The following UNC13B variants were observed in gnomAD, a reference collection of about 807,000 sequenced individuals.
UNC13B encodes the protein protein unc-13 homolog B.
Under a neutral mutation model 211.0 loss-of-function variants are expected in UNC13B, and 144 were observed. The observed-to-expected ratio is 0.68, with a 90% CI of 0.60 to 0.78. The LOEUF (loss-of-function observed/expected upper bound fraction) is 0.78, where lower values mean the gene tolerates loss of function less well. Among genes scored for constraint, UNC13B ranks in the 30% least tolerant of loss-of-function variants. UNC13B has a pLI of 0.00. For synonymous variants in UNC13B, 709 were observed against 725.8 expected (o/e 0.98, Z 0.37); for missense variants, 1,777 against 2,002.0 (o/e 0.89, Z 2.14).
At chr9:35,234,547 C>T (rs1825387140) in intron 3 of UNC13B, among the ~76,000 whole-genome samples, 2 of 152,266 alleles carry the variant, frequency 1.3e-5, no homozygotes, top group Admixed American at 6.5e-5. Flanking sequence ...AGCTTAGTTT[C>T]TCCACTGTGA....
chr9:35,207,559 T>C (rs1240729430), intron 1 of UNC13B, among the ~76,000 whole-genome samples: 1 of 151,916 alleles, frequency 6.6e-6, no homozygotes, highest in Admixed American at 6.6e-5. Context: ...AGTCACGAAC[T>C]CCTGGGCCCA....
chr9:35,302,847 T>G lies in UNC13B; in HGVS notation c.3443T>G (p.Leu1148Arg). The G allele has an allele frequency of 2.5e-6, 1 of 398,686 alleles. No individual in the cohort carries two copies. The allele number at this position is 398,686 out of a possible 1,614,324, so 24.7% of individuals were successfully genotyped here. The change falls in exon 9 of 40, where the codon CTT (leucine) becomes CGT (arginine). Residue 1148 changes from leucine to arginine, a missense_variant. Leu to Arg is a moderately radical substitution (Grantham distance 102). Coordinates refer to ENST00000635942, the MANE Select transcript of UNC13B (RefSeq NM_001371189.2). ...TSKKNTQGSF[L>R]SGLFNRFSSA... The stretch of plus-strand genomic sequence containing the variant: ...AAGAAAAATACCCAAGGAAGCTTCC[T>G]TTCTGGCCTGTTTAATAGGTTTTCT...
At chr9:35,384,941 A>G (rs1380162194) in intron 22 of UNC13B, 1 of 806,438 alleles carries the variant, frequency 1.2e-6, no homozygotes, top group African/African-American at 1.9e-5. Flanking sequence ...TATGCACATT[A>G]AAAAGTAAGT....
chr9:35,258,489 T>A (rs1208470771), intron 6 of UNC13B, among the ~76,000 whole-genome samples: 1 of 152,194 alleles, frequency 6.6e-6, no homozygotes, highest in African/African-American at 2.4e-5. Context: ...GGAACTCTTA[T>A]AAATACCAGA....
chr9:35,289,924 C>T (rs915980133), intron 7 of UNC13B, among the ~76,000 whole-genome samples: 4 of 151,976 alleles, frequency 2.6e-5, no homozygotes, highest in Admixed American at 6.5e-5. Flanking sequence ...TGCAGTGAGC[C>T]GAGATCGTGT....
At chr9:35,287,716 T>C (rs1474291213) in intron 7 of UNC13B, among the ~76,000 whole-genome samples, 2 of 152,212 alleles carry the variant, frequency 1.3e-5, no homozygotes, top group African/African-American at 4.8e-5. Context: ...CATTGTGCCA[T>C]GCATTATCAG....
intron 11 of UNC13B, among the ~76,000 whole-genome samples, chr9:35,365,976 GT>G (rs111855200): frequency 0.084 from 12,854 of 152,232 alleles, 1,809 homozygotes; most frequent in African/African-American, 0.29. Flanking sequence ...TTGCCTCATT[GT>G]TATCCATAAC....
chr9:35,181,683 A>G (rs991397457), intron 1 of UNC13B, among the ~76,000 whole-genome samples: 1 of 152,044 alleles, frequency 6.6e-6, no homozygotes, highest in African/African-American at 2.4e-5. Context: ...CTAAAAATAT[A>G]AAAATTAGCC....
At chr9:35,240,224 A>C (rs1435153116) in intron 5 of UNC13B, among the ~76,000 whole-genome samples, 3 of 152,204 alleles carry the variant, frequency 2.0e-5, no homozygotes, top group Non-Finnish European at 4.4e-5. Flanking sequence ...CCCTCTGTTC[A>C]GGGTCCCTGA....
At chr9:35,209,752 C>A (rs1353291180) in intron 1 of UNC13B, among the ~76,000 whole-genome samples, 1 of 152,126 alleles carries the variant, frequency 6.6e-6, no homozygotes, top group African/African-American at 2.4e-5. Flanking sequence ...CCTTTTCTAC[C>A]CCCTTCTTTT....
At chr9:35,208,038 A>C in intron 1 of UNC13B, among the ~76,000 whole-genome samples, 1 of 152,100 alleles carries the variant, frequency 6.6e-6, no homozygotes, top group Middle Eastern at 3.2e-3. Flanking sequence ...TGTATTATGT[A>C]TTTTTACTTA....
chr9:35,174,636 G>C (rs377364891), intron 1 of UNC13B, among the ~76,000 whole-genome samples: 40 of 151,102 alleles, frequency 2.6e-4, no homozygotes, highest in African/African-American at 9.3e-4. Flanking sequence ...CAAGCTCTGC[G>C]TCCCGGGTTC....
rs1443508098 is a variant in UNC13B, at chr9:35,301,651, G to C, written c.2247G>C (p.Glu749Asp). The change falls in exon 9 of 40, where the codon GAG becomes GAC. Residue 749 changes from glutamate (E) to aspartate (D), a missense_variant. Coordinates refer to ENST00000635942, the MANE Select transcript of UNC13B (RefSeq NM_001371189.2). ...TTAGTTCTGCAAGTAAAAATGATGA[G>C]AGTCTATTGGAAGAAAAACTCTGTA... is the stretch of plus-strand genomic sequence containing the variant. Reference protein sequence around the residue: ...NLVSSASKNDESLLEEKLCID... With the variant: ...NLVSSASKNDDSLLEEKLCID... The C allele has an allele frequency of 2.5e-6, 1 of 398,658 alleles. No homozygotes were observed. The highest frequency in any genetic ancestry group is 4.4e-6 in the Non-Finnish European group (1 of 225,920). The allele number at this position is 398,658 out of a possible 1,614,324, so 24.7% of individuals were successfully genotyped here. A position where few individuals can be genotyped will look rare whatever the true frequency, so the allele number is the denominator to read the frequency against.
intron 6 of UNC13B, among the ~76,000 whole-genome samples, chr9:35,256,259 G>C (rs971915013): frequency 2.0e-5 from 3 of 151,968 alleles, no homozygotes; most frequent in African/African-American, 7.2e-5. Flanking sequence ...CCAGGATATT[G>C]CATTACACTT....
At chr9:35,317,145 C>A (rs949862890) in intron 11 of UNC13B, among the ~76,000 whole-genome samples, 2 of 152,096 alleles carry the variant, frequency 1.3e-5, no homozygotes, top group Non-Finnish European at 2.9e-5. Context: ...GATAGGGCTG[C>A]CTAACTGCAA....
rs550199966 is a variant in UNC13B, at chr9:35,305,912, A to G, written c.6508A>G (p.Lys2170Glu). The G allele has an allele frequency of 1.2e-3, 467 of 399,014 alleles. No individual in the cohort carries two copies. Among genetic ancestry groups the G allele is most frequent in the Non-Finnish European group, 1.7e-3 (386 of 226,028 alleles). 24.7% of individuals were successfully genotyped at this position (399,014 alleles called of 1,614,324 possible). Residue 2170 changes from lysine to glutamate, a missense_variant, in exon 9 of 40, where the codon AAA becomes GAA. Transcript: ENST00000635942. ...ATTTTCTTTTCTCACTGGATCTGAAAAATCTGAGAACAGAGCCTCTGCTAC... is the reference window on the plus strand; with the variant it reads ...ATTTTCTTTTCTCACTGGATCTGAAGAATCTGAGAACAGAGCCTCTGCTAC... ...SIFSFLTGSE[K>E]SENRASATLP...
Position 35,385,765 on chromosome 9 carries a change from A to C in UNC13B, c.10917A>C (p.Leu3639Phe). 6.2e-7 allele frequency: 1 copy of C among 1,610,444 alleles called. No homozygotes were observed. Among genetic ancestry groups the C allele is most frequent in the Non-Finnish European group, 8.5e-7 (1 of 1,176,890 alleles). The change falls in exon 23 of 40, where the codon TTA becomes TTC. Residue 3639 changes from leucine (L) to phenylalanine (F), a missense_variant. Transcript: ENST00000635942. ...GGAGTCCTGAACGGCTTCAGGACTTAAAATCCACAGTGGATTTGCTGACCA... is the reference window on the plus strand; with the variant it reads ...GGAGTCCTGAACGGCTTCAGGACTTCAAATCCACAGTGGATTTGCTGACCA... ...PAGSPERLQD[L>F]KSTVDLLTSI...
At chr9:35,309,510 C>T (rs1373942104) in intron 9 of UNC13B, among the ~76,000 whole-genome samples, 1 of 152,052 alleles carries the variant, frequency 6.6e-6, no homozygotes, top group East Asian at 1.9e-4. Flanking sequence ...AGAACTGAAG[C>T]CCTTAGATGA....
intron 1 of UNC13B, among the ~76,000 whole-genome samples, chr9:35,221,271 T>C (rs1824550473): frequency 6.6e-6 from 1 of 152,140 alleles, no homozygotes; most frequent in African/African-American, 2.4e-5. Flanking sequence ...GTTTTCACCA[T>C]GTTGCCCAGG....
Sources: gnomAD v4.1 joint callset for allele counts (sites outside exome capture counted in the v4.1 genomes callset) on GRCh38, gnomAD v4.1.1 for gene constraint, MANE v1.5 for transcripts, NCBI Gene and HGNC (gene_info 2026-07-23, HGNC 2026-07-21) for gene names.